Variants in TMTC1 observed in about 807,000 individuals in gnomAD.
The protein encoded by TMTC1 is protein O-mannosyl-transferase TMTC1.
TMTC1 carries 73 observed loss-of-function variants against 104.8 expected under a neutral mutation model. The ratio of observed to expected loss-of-function variants is 0.70; its 90% CI spans 0.58 to 0.85. TMTC1 has a LOEUF of 0.85. TMTC1 is among the 40% of genes least tolerant of loss of function. The probability of loss-of-function intolerance (pLI) is 0.00; values close to 1 mark genes in which losing one functional copy is unlikely to be tolerated. For missense variants in TMTC1, 1,035 were observed against 1,096.1 expected (o/e 0.94, Z 0.79); for synonymous variants, 434 against 428.7 (o/e 1.01, Z -0.15).
In TMTC1 at chr12:29,504,428, T is replaced by A. The variant is rs569729376; in HGVS notation, c.*2418A>T. 1 of 152,332 alleles carries A rather than the reference T, an allele frequency of 6.6e-6. No individual in the cohort carries two copies. The highest frequency in any genetic ancestry group is 2.1e-4 in the South Asian group (1 of 4,830). The allele number at this position is 152,332 out of a possible 1,614,324, so 9.4% of individuals were successfully genotyped here. The stretch of plus-strand genomic sequence containing the variant: ...ATTTTCTTATAGGCACTGTTTTTAC[T>A]GTGAAACTATTGCATTGGCCACATC... On this transcript the variant is annotated 3_prime_UTR_variant, in exon 18 of 18. Coordinates refer to ENST00000539277, the MANE Select transcript of TMTC1 (RefSeq NM_001193451.2).
intron 10 of TMTC1, among the ~76,000 whole-genome samples, chr12:29,551,745 A>G (rs1012564484): frequency 8.6e-5 from 13 of 151,466 alleles, no homozygotes; most frequent in African/African-American, 3.2e-4. Context: ...CGCTCTGTTC[A>G]TCCATAAAAA....
intron 10 of TMTC1, among the ~76,000 whole-genome samples, chr12:29,545,646 C>CAA (rs1944922248): frequency 1.6e-5 from 2 of 126,588 alleles, no homozygotes; most frequent in Non-Finnish European, 3.5e-5. Flanking sequence ...CACACACACA[C>CAA]ACACACACAC....
chr12:29,602,838 A>C (rs1297147485), intron 7 of TMTC1, among the ~76,000 whole-genome samples: 2 of 152,142 alleles, frequency 1.3e-5, no homozygotes, highest in Non-Finnish European at 2.9e-5. Context: ...GTAGCACTAG[A>C]TTTTAGTAGA....
chr12:29,554,544 G>A (rs1055892701), intron 10 of TMTC1, among the ~76,000 whole-genome samples: 8 of 152,096 alleles, frequency 5.3e-5, no homozygotes, highest in African/African-American at 1.7e-4. Context: ...TAGACTTAAC[G>A]ATAATTAAAA....
chr12:29,604,096 C>CACAGAAG, intron 7 of TMTC1, 82 bp downstream of exon 7: 8 of 1,576,490 alleles, frequency 5.1e-6, no homozygotes, highest in Non-Finnish European at 6.9e-6. Flanking sequence ...ATGGTCTACA[C>CACAGAAG]ACAGAAGACT....
chr12:29,581,502 A>G (rs1223310651), intron 8 of TMTC1, among the ~76,000 whole-genome samples: 1 of 152,190 alleles, frequency 6.6e-6, no homozygotes, highest in Non-Finnish European at 1.5e-5. Context: ...TGAAGATACT[A>G]CATACTTCCA....
Position 29,605,571 on chromosome 12 carries a change from TAAAAAAA to T in TMTC1, c.1129-1279_1129-1273del, listed in dbSNP as rs34353381. Among the ~76,000 whole-genome samples the T allele has an allele frequency of 2.4e-3, 245 of 101,872 alleles. 1 individual carries two copies. The highest frequency in any genetic ancestry group is 6.8e-3 in the African/African-American group (196 of 28,880). 66.8% of individuals were successfully genotyped at this position (101,872 alleles called of 152,430 possible). A position where few individuals can be genotyped will look rare whatever the true frequency, so the allele number is the denominator to read the frequency against. ...ATCTACCAAAACTGACCAAAAAGGG[TAAAAAAA>T]AAAAAAAAAAAAAAGAACAAATTCA... On this transcript the variant is annotated intron_variant, in intron 6 of 17. Coordinates refer to ENST00000539277, the MANE Select transcript of TMTC1 (RefSeq NM_001193451.2).
intron 8 of TMTC1, among the ~76,000 whole-genome samples, chr12:29,574,586 A>G (rs1332681158): frequency 1.3e-5 from 2 of 152,184 alleles, no homozygotes; most frequent in African/African-American, 4.8e-5. Flanking sequence ...GTTATGGCTG[A>G]TTCGGTTTCT....
chr12:29,748,159 C>T (rs1943002883), intron 5 of TMTC1, among the ~76,000 whole-genome samples: 1 of 152,150 alleles, frequency 6.6e-6, no homozygotes, highest in African/African-American at 2.4e-5. Flanking sequence ...AATACATTAA[C>T]TTAGTGAGAA....
chr12:29,730,351 A>G (rs1942514877), intron 5 of TMTC1, among the ~76,000 whole-genome samples: 1 of 152,202 alleles, frequency 6.6e-6, no homozygotes, highest in Non-Finnish European at 1.5e-5. Context: ...AAACAGCCAC[A>G]TTTCTTAGGA....
intron 11 of TMTC1, among the ~76,000 whole-genome samples, chr12:29,521,789 A>G (rs916676978): frequency 6.6e-6 from 1 of 151,852 alleles, no homozygotes; most frequent in African/African-American, 2.4e-5. Context: ...GCTGGTCTCA[A>G]ACTCCTGGCC....
At chr12:29,605,009 C>G (rs1173336444) in intron 6 of TMTC1, among the ~76,000 whole-genome samples, 1 of 152,040 alleles carries the variant, frequency 6.6e-6, no homozygotes, top group Non-Finnish European at 1.5e-5. Context: ...AAAAAAACTT[C>G]TGTTTATTAC....
chr12:29,704,582 T>C (rs1223812991), intron 5 of TMTC1, among the ~76,000 whole-genome samples: 4 of 152,200 alleles, frequency 2.6e-5, no homozygotes, highest in African/African-American at 9.6e-5. Context: ...TCCTTGTGAG[T>C]GTATTAGAGG....
intron 10 of TMTC1, among the ~76,000 whole-genome samples, chr12:29,549,143 C>T (rs942258480): frequency 1.3e-5 from 2 of 150,558 alleles, no homozygotes; most frequent in Admixed American, 6.7e-5. Flanking sequence ...TACCTGTAAA[C>T]AAACAAGTAT....
intron 2 of TMTC1, among the ~76,000 whole-genome samples, chr12:29,761,194 G>A (rs1943341198): frequency 1.3e-5 from 2 of 150,148 alleles, no homozygotes; most frequent in South Asian, 2.1e-4. Flanking sequence ...GAAAGACAAT[G>A]AAGACTGGTA....
At chr12:29,766,582 G>C (rs1943469527) in intron 2 of TMTC1, among the ~76,000 whole-genome samples, 1 of 152,162 alleles carries the variant, frequency 6.6e-6, no homozygotes, top group Non-Finnish European at 1.5e-5. Flanking sequence ...TACCTCAGAG[G>C]CTTGTACACC....
At position 29,783,411 on chromosome 12, in the gene TMTC1, G is replaced by A; in HGVS notation, c.302+39C>T. 7.8e-7 allele frequency: 1 copy of A among 1,283,370 alleles called. No homozygotes were observed. Among genetic ancestry groups the A allele is most frequent in the South Asian group, 2.4e-5 (1 of 40,984 alleles). The allele number at this position is 1,283,370 out of a possible 1,614,324, so 79.5% of individuals were successfully genotyped here. A position where few individuals can be genotyped will look rare whatever the true frequency, so the allele number is the denominator to read the frequency against. On this transcript the variant is annotated intron_variant, in intron 1 of 17. Coordinates refer to ENST00000539277, the MANE Select transcript of TMTC1 (RefSeq NM_001193451.2). The surrounding 1 kb of genome is among the most constrained non-coding windows in gnomAD (Gnocchi z 4.7). ...CGGTCCGAGGGACGGGCGGAGGGTAGAGGAGGCAGCGGCGGCTAGCGCGAG... is the reference window on the plus strand; with the variant it reads ...CGGTCCGAGGGACGGGCGGAGGGTAAAGGAGGCAGCGGCGGCTAGCGCGAG...
chr12:29,678,813 A>G (rs1940816916), intron 5 of TMTC1, among the ~76,000 whole-genome samples: 1 of 152,246 alleles, frequency 6.6e-6, no homozygotes, highest in Non-Finnish European at 1.5e-5. Context: ...TAAAAAAACT[A>G]TAACAGAACA....
intron 7 of TMTC1, among the ~76,000 whole-genome samples, chr12:29,602,602 T>A (rs1946597380): frequency 1.3e-5 from 2 of 152,044 alleles, no homozygotes; most frequent in Admixed American, 1.3e-4. Flanking sequence ...GACCCACTAC[T>A]ACAGTGTGAA....
Sources: gnomAD v4.1 joint callset for allele counts (sites outside exome capture counted in the v4.1 genomes callset) on GRCh38, gnomAD v4.1.1 for gene constraint, Gnocchi (gnomAD v3.1) non-coding constraint, MANE v1.5 for transcripts, NCBI Gene and HGNC (gene_info 2026-07-23, HGNC 2026-07-21) for gene names.